MEIS2: variants seen among roughly 807,000 people sequenced by gnomAD.
The protein encoded by MEIS2 is Meis homeobox 2, also known as homeobox protein Meis2.
MEIS2 carries 9 observed loss-of-function variants against 58.6 expected under a neutral mutation model. The observed-to-expected ratio is 0.15, with a 90% CI of 0.09 to 0.27. MEIS2 has a LOEUF of 0.27. Among genes scored for constraint, MEIS2 ranks in the 10% least tolerant of loss-of-function variants. MEIS2 has a pLI of 1.00. For synonymous variants in MEIS2, 221 were observed against 228.4 expected (o/e 0.97, Z 0.29); for missense variants, 427 against 635.0 (o/e 0.67, Z 3.52).
At chr15:37,066,817 C>A (rs1433744143) in intron 7 of MEIS2, among the ~76,000 whole-genome samples, 1 of 152,100 alleles carries the variant, frequency 6.6e-6, no homozygotes, top group Non-Finnish European at 1.5e-5. Context: ...CACTCTGTTG[C>A]CCAGGCTGGA....
intron 9 of MEIS2, among the ~76,000 whole-genome samples, chr15:36,911,686 G>A (rs981271160): frequency 6.6e-5 from 10 of 152,256 alleles, no homozygotes; most frequent in South Asian, 2.1e-4. Context: ...TCAGCCCGGC[G>A]AAGGGCTCTG....
At chr15:36,964,237 C>T (rs1006953037) in intron 8 of MEIS2, among the ~76,000 whole-genome samples, 1 of 152,204 alleles carries the variant, frequency 6.6e-6, no homozygotes, top group Non-Finnish European at 1.5e-5. Context: ...TACTAATAAG[C>T]ACTTGGATTT....
chr15:37,021,318 A>G (rs1427318339), intron 8 of MEIS2, among the ~76,000 whole-genome samples: 1 of 152,170 alleles, frequency 6.6e-6, no homozygotes, highest in Non-Finnish European at 1.5e-5. Flanking sequence ...TGAAGCTCAC[A>G]GCATTTGCTT....
chr15:36,892,557 G>T, intron 11 of MEIS2, 98 bp from the exon 12 acceptor site: 1 of 979,526 alleles, frequency 1.0e-6, no homozygotes, highest in East Asian at 2.4e-5. Flanking sequence ...AAAAACAACA[G>T]ACACTGCAAA....
rs114922706 is a variant in MEIS2 at position 37,006,883 on chromosome 15, T to C, written c.900+29931A>G. 4.3e-3 allele frequency among the ~76,000 whole-genome samples: 652 copies of C among 152,342 alleles called. 5 individuals carry two copies. Among genetic ancestry groups the C allele is most frequent in the African/African-American group, 0.015 (612 of 41,578 alleles). ...GGCCAGACCCAGTTTTGAATGTATC[T>C]TTTTTAGAAGGAAGGGGTTGGAAAT... On this transcript the variant is annotated intron_variant, in intron 8 of 11. Transcript: ENST00000561208.
chr15:37,023,174 C>T (rs2061584515), intron 8 of MEIS2, among the ~76,000 whole-genome samples: 1 of 152,158 alleles, frequency 6.6e-6, no homozygotes, highest in African/African-American at 2.4e-5. Flanking sequence ...ACTCTCAAAA[C>T]ATTTCATTAA....
chr15:37,008,951 A>C (rs1346294249), intron 8 of MEIS2, among the ~76,000 whole-genome samples: 1 of 152,154 alleles, frequency 6.6e-6, no homozygotes, highest in Non-Finnish European at 1.5e-5. Context: ...CATTGATTGA[A>C]TTCCTTAAGA....
intron 7 of MEIS2, among the ~76,000 whole-genome samples, chr15:37,068,952 C>T (rs574766776): frequency 6.6e-6 from 1 of 152,282 alleles, no homozygotes; most frequent in East Asian, 1.9e-4. Context: ...ATTAAATGCC[C>T]AACATTTAGT....
intron 8 of MEIS2, among the ~76,000 whole-genome samples, chr15:36,996,004 T>C (rs2060499884): frequency 2.1e-5 from 1 of 47,972 alleles, no homozygotes; most frequent in East Asian, 3.8e-4. Flanking sequence ...TATATATATG[T>C]ATATATATAT....
chr15:37,080,128 C>G (rs566093634), intron 7 of MEIS2, among the ~76,000 whole-genome samples: 8 of 152,222 alleles, frequency 5.3e-5, no homozygotes, highest in African/African-American at 1.9e-4. Context: ...ACAGCATATT[C>G]CATTTGCCTA....
chr15:37,068,130 T>C (rs1567251878), intron 7 of MEIS2, among the ~76,000 whole-genome samples: 1 of 152,200 alleles, frequency 6.6e-6, no homozygotes, highest in Non-Finnish European at 1.5e-5. Flanking sequence ...ATTAAATCAG[T>C]CACCAGAGGT....
intron 8 of MEIS2, among the ~76,000 whole-genome samples, chr15:36,974,032 G>C (rs1213040706): frequency 1.3e-5 from 2 of 152,018 alleles, no homozygotes; most frequent in Non-Finnish European, 2.9e-5. Flanking sequence ...TCCTATCTTT[G>C]ACCTTGAAAA....
chr15:36,926,932 A>G (rs2057771310), intron 9 of MEIS2, among the ~76,000 whole-genome samples: 1 of 152,196 alleles, frequency 6.6e-6, no homozygotes, highest in Admixed American at 6.5e-5. Flanking sequence ...AATTATGTAA[A>G]CGGATATCTC....
intron 8 of MEIS2, among the ~76,000 whole-genome samples, chr15:36,956,561 GA>G (rs1285174094): frequency 6.6e-6 from 1 of 152,130 alleles, no homozygotes; most frequent in Non-Finnish European, 1.5e-5. Context: ...AGTCAGTTAT[GA>G]AACTGTTAAA....
At chr15:37,041,911 T>C (rs1176563636) in intron 7 of MEIS2, among the ~76,000 whole-genome samples, 1 of 152,180 alleles carries the variant, frequency 6.6e-6, no homozygotes, top group African/African-American at 2.4e-5. Context: ...GCATGGTGGC[T>C]CATGCCTGTA....
At chr15:36,910,678 A>G (rs1214852483) in intron 9 of MEIS2, among the ~76,000 whole-genome samples, 3 of 152,200 alleles carry the variant, frequency 2.0e-5, no homozygotes, top group African/African-American at 4.8e-5. Context: ...ACCTGTTCAT[A>G]AGTACCCCAT....
intron 9 of MEIS2, among the ~76,000 whole-genome samples, chr15:36,930,427 A>G (rs1247115317): frequency 6.6e-6 from 1 of 152,164 alleles, no homozygotes; most frequent in Non-Finnish European, 1.5e-5. Context: ...TAAAGGCACA[A>G]CCAAAGGCTC....
chr15:37,035,145 G>A (rs1307239198), intron 8 of MEIS2, among the ~76,000 whole-genome samples: 1 of 152,158 alleles, frequency 6.6e-6, no homozygotes, highest in Non-Finnish European at 1.5e-5. Context: ...AAGGCAGCTG[G>A]CCTGTCATCC....
intron 9 of MEIS2, among the ~76,000 whole-genome samples, chr15:36,934,644 T>C (rs1161993914): frequency 1.3e-5 from 2 of 152,214 alleles, no homozygotes; most frequent in Non-Finnish European, 2.9e-5. Context: ...GCTTCATGCT[T>C]TTTCATCTCC....
Sources: gnomAD v4.1 joint callset for allele counts (sites outside exome capture counted in the v4.1 genomes callset) on GRCh38, gnomAD v4.1.1 for gene constraint, MANE v1.5 for transcripts, NCBI Gene and HGNC (gene_info 2026-07-23, HGNC 2026-07-21) for gene names.